CACNA1I: variants seen among roughly 807,000 people sequenced by gnomAD.
CACNA1I encodes the protein voltage-dependent T-type calcium channel subunit alpha-1I.
In CACNA1I, 74 loss-of-function variants were observed where a neutral mutation model predicts 201.6. That is an observed-to-expected ratio of 0.37 (90% CI 0.30 to 0.45). CACNA1I has a LOEUF of 0.45. CACNA1I is among the 20% of genes least tolerant of loss of function. The probability of loss-of-function intolerance (pLI) is 1.00; values close to 1 mark genes in which losing one functional copy is unlikely to be tolerated. For missense variants in CACNA1I, 2,346 were observed against 3,138.1 expected, an observed-to-expected ratio of 0.75 and a Z score of 6.03; for synonymous variants, 1,431 against 1,345.2, an observed-to-expected ratio of 1.06 and a Z score of -1.40.
At position 39,647,861 on chromosome 22, in the gene CACNA1I, T is replaced by C; in HGVS notation, c.1502T>C (p.Leu501Pro). 6.2e-7 allele frequency: 1 copy of C among 1,613,488 alleles called. No homozygotes were observed. ...GGTCAGGGAGATGAAGGGAGACATC[T>C]CGGAAGCCGGCATTGCCAGACTTTG... is the stretch of plus-strand genomic sequence containing the variant. ...TKGQGDEGRH[L>P]GSRHCQTLHG... Residue 501 changes from leucine (L) to proline (P), a missense_variant, in exon 9 of 37, where the codon CTC (leucine) becomes CCC (proline). Coordinates refer to ENST00000402142, the MANE Select transcript of CACNA1I (RefSeq NM_021096.4).
chr22:39,594,256 G>A (rs919949688), intron 1 of CACNA1I, among the ~76,000 whole-genome samples: 1 of 152,048 alleles, frequency 6.6e-6, no homozygotes. Flanking sequence ...GAGGCAGCAG[G>A]GGCACCGGGC....
intron 1 of CACNA1I, among the ~76,000 whole-genome samples, chr22:39,597,050 GGTCTGGAAGTTCACCTGGGT>G (rs1445468817): frequency 6.6e-6 from 1 of 152,186 alleles, no homozygotes; most frequent in African/African-American, 2.4e-5. Context: ...CAGGCTGCAT[GGTCTGGAAGTTCACCTGGGT>G]GTCTGACTTC....
chr22:39,674,543 T>C (rs925998322), intron 29 of CACNA1I, among the ~76,000 whole-genome samples: 3 of 152,106 alleles, frequency 2.0e-5, no homozygotes, highest in Admixed American at 1.3e-4. Flanking sequence ...CAGGTGGGGA[T>C]CTGAGAAGTT....
At chr22:39,672,552 C>T (rs772414726) in intron 27 of CACNA1I, among the ~76,000 whole-genome samples, 1 of 152,168 alleles carries the variant, frequency 6.6e-6, no homozygotes, top group Non-Finnish European at 1.5e-5. Context: ...TGTCTCTACC[C>T]TATGGGCAGA....
In CACNA1I at chr22:39,647,899, T is replaced by G. The variant is rs763709339; in HGVS notation, c.1540T>G (p.Ser514Ala). 1.2e-6 allele frequency: 2 copies of G among 1,613,500 alleles called. No homozygotes were observed. The highest frequency in any genetic ancestry group is 4.5e-5 in the East Asian group (2 of 44,854). The part of the protein sequence containing the change: ...RHCQTLHGPA[S>A]PGNDHSGREL... Reference sequence around the variant, plus strand: ...TTGCCAGACTTTGCATGGGCCTGCCTCCCCTGGAAATGATCACTCGGGAAG... The same window carrying G: ...TTGCCAGACTTTGCATGGGCCTGCCGCCCCTGGAAATGATCACTCGGGAAG... Residue 514 changes from serine (S) to alanine (A), a missense_variant, in exon 9 of 37, where the codon TCC (serine) becomes GCC (alanine). Around this residue, in one of 13 missense-constraint regions of CACNA1I, gnomAD observed 312 missense variants for 331.5 expected, o/e 0.94. Coordinates refer to ENST00000402142, the MANE Select transcript of CACNA1I (RefSeq NM_021096.4).
chr22:39,640,374 G>A (rs1476372519), intron 5 of CACNA1I, among the ~76,000 whole-genome samples: 2 of 152,176 alleles, frequency 1.3e-5, no homozygotes, highest in Non-Finnish European at 2.9e-5. Context: ...GGGTGACAGA[G>A]TGAGACTCGG....
At chr22:39,608,847 T>A (rs1044663278) in intron 3 of CACNA1I, among the ~76,000 whole-genome samples, 15 of 151,280 alleles carry the variant, frequency 9.9e-5, no homozygotes, top group African/African-American at 2.7e-4. Context: ...AAAAAAAAAA[T>A]TTATTGTACC....
chr22:39,576,001 C>T (rs1229077697), intron 1 of CACNA1I, among the ~76,000 whole-genome samples: 1 of 152,104 alleles, frequency 6.6e-6, no homozygotes, highest in Non-Finnish European at 1.5e-5. Context: ...TCTTGAACTC[C>T]TGACCTCAAG....
chr22:39,634,671 G>C lies in CACNA1I; in HGVS notation c.687G>C (p.Gln229His). The change falls in exon 5 of 37, where the codon CAG becomes CAC. Residue 229 changes from glutamine (Q) to histidine (H), a missense_variant. Gln to His is a conservative substitution (Grantham distance 24, BLOSUM62 0). Around this residue, in one of 13 missense-constraint regions of CACNA1I, gnomAD observed 227 missense variants for 412.5 expected, o/e 0.55. Coordinates refer to ENST00000402142, the MANE Select transcript of CACNA1I (RefSeq NM_021096.4). Reference sequence around the variant, plus strand: ...TCATCTTTGGCATCATAGGTGTGCAGCTCTGGGCGGGCCTGCTGCGTAACC... The same window carrying C: ...TCATCTTTGGCATCATAGGTGTGCACCTCTGGGCGGGCCTGCTGCGTAACC... ...VFFIFGIIGV[Q>H]LWAGLLRNRC... is the part of the protein sequence containing the mutation. 1 of 1,613,940 alleles carries C rather than the reference G, an allele frequency of 6.2e-7. No homozygotes were observed.
intron 1 of CACNA1I, among the ~76,000 whole-genome samples, chr22:39,583,197 A>ATCC (rs1569046900): frequency 6.2e-4 from 74 of 119,760 alleles, no homozygotes; most frequent in Middle Eastern, 4.9e-3. Flanking sequence ...TCTATCCAAC[A>ATCC]ATCCATCCAT....
In CACNA1I at chr22:39,622,185, C is replaced by T. The variant is rs536157611; in HGVS notation, c.580+2778C>T. Among the ~76,000 whole-genome samples, 34 of 152,208 alleles carry T rather than the reference C, an allele frequency of 2.2e-4. No individual in the cohort carries two copies. In the East Asian group the frequency reaches 4.8e-3, roughly 22 times the overall value. The stretch of plus-strand genomic sequence containing the variant: ...AGAACTCTGCCTGGCGGACAGAAGG[C>T]GCGCCAAAGACACGTGTGAAATGGA... On this transcript the variant is annotated intron_variant, in intron 4 of 36. Coordinates refer to ENST00000402142, the MANE Select transcript of CACNA1I (RefSeq NM_021096.4).
Position 39,665,745 on chromosome 22 carries a change from C to T in CACNA1I, c.3978+121C>T. The T allele has an allele frequency of 1.9e-6, 3 of 1,541,118 alleles. No individual in the cohort carries two copies. Among genetic ancestry groups the T allele is most frequent in the Non-Finnish European group, 2.7e-6 (3 of 1,127,724 alleles). ...TGCGCCTTGCCAGCTGTGGGCTTCT[C>T]CTCCAGGGAGGGAGACAGACATGGG... On this transcript the variant is annotated intron_variant, in intron 22 of 36. Transcript: ENST00000402142. The surrounding 1 kb of genome is among the most constrained non-coding windows in gnomAD (Gnocchi z 5.5).
rs1935100457 is a variant in CACNA1I at position 39,663,841 on chromosome 22, C to T, written c.3597C>T (p.Thr1199=). The T allele has an allele frequency of 1.2e-6, 2 of 1,613,488 alleles. No homozygotes were observed. The highest frequency in any genetic ancestry group is 1.7e-5 in the Admixed American group (1 of 60,018). The change falls in exon 19 of 37, where the codon ACC becomes ACT. Residue 1199 remains threonine, a splice_region_variant and synonymous_variant. Transcript: ENST00000402142. ...LERPQIEAGS[T]ERIFLTVSNY... is the part of the protein sequence containing the mutation. The stretch of plus-strand genomic sequence containing the variant: ...GGCCTCAGATCGAGGCCGGCAGCAC[C>T]GTGAGTGGCTGTAGCCTTTGGGCAG...
chr22:39,587,798 C>CA (rs2145812776), intron 1 of CACNA1I: 1 of 433,448 alleles, frequency 2.3e-6, no homozygotes, highest in South Asian at 1.7e-5. Context: ...TTTTTTGAGA[C>CA]AGAGTCTTGC....
At chr22:39,587,098 C>T (rs1291883550) in intron 1 of CACNA1I, among the ~76,000 whole-genome samples, 2 of 152,178 alleles carry the variant, frequency 1.3e-5, no homozygotes, top group African/African-American at 4.8e-5. Flanking sequence ...GCTTCTCATC[C>T]CAGCTGGCAG....
chr22:39,581,332 G>T (rs1340640944), intron 1 of CACNA1I, among the ~76,000 whole-genome samples: 1 of 152,174 alleles, frequency 6.6e-6, no homozygotes, highest in Admixed American at 6.5e-5. Context: ...TGGTGTGTGG[G>T]CTGGGAGAGG....
At position 39,661,996 on chromosome 22, in the gene CACNA1I, G is replaced by T; in HGVS notation, c.2933G>T (p.Trp978Leu). The change falls in exon 17 of 37, where the codon TGG becomes TTG. Residue 978 changes from tryptophan (W) to leucine (L), a missense_variant. Physicochemically the swap from Trp to Leu is moderately conservative, Grantham distance 61. Transcript: ENST00000402142. ...SSSRSSYYGP[W>L]GRSAAWASRR... Reference sequence around the variant, plus strand: ...TCCCGGAGCTCCTACTACGGGCCATGGGGCCGCAGCGCGGCCTGGGCCAGC... The same window carrying T: ...TCCCGGAGCTCCTACTACGGGCCATTGGGCCGCAGCGCGGCCTGGGCCAGC... The T allele has an allele frequency of 6.4e-7, 1 of 1,563,066 alleles. No individual in the cohort carries two copies.
At chr22:39,622,987 C>A (rs1008952819) in intron 4 of CACNA1I, among the ~76,000 whole-genome samples, 1 of 152,174 alleles carries the variant, frequency 6.6e-6, no homozygotes, top group African/African-American at 2.4e-5. Flanking sequence ...TGCAGAGGGT[C>A]GCACACAAGG....
At position 39,679,776 on chromosome 22, in the gene CACNA1I, G is replaced by A. The variant is rs777532484; in HGVS notation, c.5449G>A (p.Glu1817Lys). Residue 1817 changes from glutamate to lysine, a missense_variant, in exon 33 of 37, where the codon GAG (glutamate) becomes AAG (lysine). By Grantham distance (56) the Glu-to-Lys change is moderately conservative. Around this residue, in one of 13 missense-constraint regions of CACNA1I, gnomAD observed 441 missense variants for 555.6 expected, o/e 0.79. Coordinates refer to ENST00000402142, the MANE Select transcript of CACNA1I (RefSeq NM_021096.4). Reference sequence around the variant, plus strand: ...AATCATCAAGGACTCCTTGGAGGGGGAGCTGACCATCATCGACAACCTGTC... The same window carrying A: ...AATCATCAAGGACTCCTTGGAGGGGAAGCTGACCATCATCGACAACCTGTC... ...SLIIKDSLEGELTIIDNLSGS... is the reference protein window; with the variant it reads ...SLIIKDSLEGKLTIIDNLSGS... 6.2e-7 allele frequency: 1 copy of A among 1,613,074 alleles called. No individual in the cohort carries two copies. The highest frequency in any genetic ancestry group is 8.5e-7 in the Non-Finnish European group (1 of 1,179,624).
Sources: gnomAD v4.1 joint callset for allele counts (sites outside exome capture counted in the v4.1 genomes callset) on GRCh38, gnomAD v4.1.1 for gene constraint, gnomAD v4.1.1 regional missense constraint, Gnocchi (gnomAD v3.1) non-coding constraint, MANE v1.5 for transcripts, NCBI Gene and HGNC (gene_info 2026-07-23, HGNC 2026-07-21) for gene names.